The following SBF2 variants were observed in gnomAD, a reference collection of about 807,000 sequenced individuals.
SBF2 encodes myotubularin-related protein 13.
Under a neutral mutation model 225.2 loss-of-function variants are expected in SBF2, and 112 were observed. The observed-to-expected ratio is 0.50, with a 90% CI of 0.43 to 0.58. SBF2 has a LOEUF of 0.58. Ranked by LOEUF, SBF2 falls within the 20% of genes least tolerant of loss-of-function variation. SBF2 has a pLI of 0.00. For missense variants in SBF2, 1,996 were observed against 2,206.2 expected (o/e 0.90, Z 1.91); for synonymous variants, 763 against 773.3 (o/e 0.99, Z 0.22).
intron 16 of SBF2, among the ~76,000 whole-genome samples, chr11:9,906,446 TA>T (rs1862125552): frequency 6.6e-6 from 1 of 152,220 alleles, no homozygotes; most frequent in African/African-American, 2.4e-5. Flanking sequence ...CAGGCAATCA[TA>T]AAACATTTAG....
chr11:9,826,161 A>G, intron 28 of SBF2, among the ~76,000 whole-genome samples: 1 of 152,256 alleles, frequency 6.6e-6, no homozygotes, highest in East Asian at 1.9e-4. Flanking sequence ...AAAAGCAACC[A>G]TCAAGGCCAG....
At chr11:9,857,567 T>C (rs1208342544) in intron 18 of SBF2, among the ~76,000 whole-genome samples, 2 of 152,316 alleles carry the variant, frequency 1.3e-5, no homozygotes, top group East Asian at 1.9e-4. Context: ...GCACTTTATA[T>C]ATGAGACACT....
At chr11:10,215,878 T>A (rs937955420) in intron 1 of SBF2, among the ~76,000 whole-genome samples, 13 of 152,224 alleles carry the variant, frequency 8.5e-5, no homozygotes, top group Non-Finnish European at 1.6e-4. Context: ...ACTTACCAAA[T>A]GCTCATCTAT....
At chr11:9,962,189 A>C in intron 15 of SBF2, 83 bp from the exon 16 acceptor site, 1 of 1,289,394 alleles carries the variant, frequency 7.8e-7, no homozygotes, top group Non-Finnish European at 1.1e-6. Flanking sequence ...GAAAATTCAA[A>C]CGCATCCTAT....
rs944291471 is a variant in SBF2, at chr11:10,113,474, A to C, written c.142-70493T>G. 2.0e-5 allele frequency among the ~76,000 whole-genome samples: 3 copies of C among 152,202 alleles called. No homozygotes were observed. In the East Asian group the frequency reaches 5.8e-4, roughly 29 times the overall value. On this transcript the variant is annotated intron_variant, in intron 2 of 39. Transcript: ENST00000256190. ...AGTTCAAATAATGAGAGCAAATATA[A>C]TTATCAAAGACTTCTAAATATTTTA...
intron 16 of SBF2, among the ~76,000 whole-genome samples, chr11:9,903,984 G>C (rs1195811482): frequency 6.6e-6 from 1 of 152,104 alleles, no homozygotes; most frequent in Non-Finnish European, 1.5e-5. Flanking sequence ...CCTGGTGCCA[G>C]CTGCCAATTT....
chr11:9,794,705 A>AAAAAAAAAAAAC (rs1478606052), intron 33 of SBF2, among the ~76,000 whole-genome samples: 2 of 145,204 alleles, frequency 1.4e-5, no homozygotes, highest in African/African-American at 2.7e-5. Context: ...AAAAAAAAAA[A>AAAAAAAAAAAAC]AAGACCAGGC....
At chr11:9,940,489 AG>A (rs1243102067) in intron 16 of SBF2, among the ~76,000 whole-genome samples, 1 of 152,226 alleles carries the variant, frequency 6.6e-6, no homozygotes, top group Non-Finnish European at 1.5e-5. Context: ...AAGTCTGAGC[AG>A]CTGTGTAGTA....
At chr11:9,851,065 G>A (rs892775525) in intron 21 of SBF2, among the ~76,000 whole-genome samples, 1 of 151,720 alleles carries the variant, frequency 6.6e-6, no homozygotes, top group African/African-American at 2.4e-5. Flanking sequence ...GAACCTGGGA[G>A]GGGGAGGTTG....
chr11:10,042,742 C>G (rs992755936), intron 3 of SBF2, 102 bp downstream of exon 3: 2 of 1,208,824 alleles, frequency 1.7e-6, no homozygotes, highest in African/African-American at 3.0e-5. Context: ...TATGCTAGCC[C>G]ATAAAACTCA....
intron 1 of SBF2, among the ~76,000 whole-genome samples, chr11:10,209,389 A>C (rs1957854914): frequency 6.6e-6 from 1 of 151,978 alleles, no homozygotes; most frequent in African/African-American, 2.4e-5. Context: ...AGCACAGATA[A>C]TCCAAGCCGT....
At chr11:10,256,799 CG>C (rs1364691804) in intron 1 of SBF2, among the ~76,000 whole-genome samples, 1 of 152,128 alleles carries the variant, frequency 6.6e-6, no homozygotes, top group African/African-American at 2.4e-5. Context: ...ACCTGGAAAA[CG>C]TAATAGCATC....
intron 2 of SBF2, among the ~76,000 whole-genome samples, chr11:10,068,736 A>G (rs1950731465): frequency 6.6e-6 from 1 of 152,146 alleles, no homozygotes; most frequent in Admixed American, 6.5e-5. Flanking sequence ...AGCCCCCGTC[A>G]CCCCTTTCAA....
At chr11:10,223,508 G>A (rs1822291) in intron 1 of SBF2, among the ~76,000 whole-genome samples, 30,540 of 144,602 alleles carry the variant, frequency 0.21, 3,917 homozygotes, top group Non-Finnish European at 0.3. Context: ...GAGAGAAAAT[G>A]CATTTATAGT....
intron 32 of SBF2, among the ~76,000 whole-genome samples, chr11:9,805,874 G>GCCT (rs1853809157): frequency 6.6e-6 from 1 of 152,140 alleles, no homozygotes; most frequent in African/African-American, 2.4e-5. Flanking sequence ...ACCCACCTTG[G>GCCT]CCTCCCAAAG....
chr11:9,995,460 A>G (rs1947650086), intron 9 of SBF2, among the ~76,000 whole-genome samples: 1 of 152,190 alleles, frequency 6.6e-6, no homozygotes, highest in Admixed American at 6.5e-5. Context: ...ACAGTACAAA[A>G]TATCTTAGTG....
chr11:10,223,386 C>T (rs1291716209), intron 1 of SBF2, among the ~76,000 whole-genome samples: 1 of 116,676 alleles, frequency 8.6e-6, no homozygotes, highest in Non-Finnish European at 1.7e-5. Context: ...ATAAACAACA[C>T]ATATTTTGCA....
intron 2 of SBF2, among the ~76,000 whole-genome samples, chr11:10,045,352 C>T (rs563800314): frequency 3.9e-5 from 6 of 151,938 alleles, no homozygotes; most frequent in South Asian, 2.1e-4. Flanking sequence ...ATTTTAGTAG[C>T]GATGGGGTTT....
At chr11:9,932,823 G>A (rs1864591421) in intron 16 of SBF2, among the ~76,000 whole-genome samples, 1 of 152,050 alleles carries the variant, frequency 6.6e-6, no homozygotes, top group South Asian at 2.1e-4. Context: ...CCAATTAAAA[G>A]ATACAGACTG....
Sources: gnomAD v4.1 joint callset for allele counts (sites outside exome capture counted in the v4.1 genomes callset) on GRCh38, gnomAD v4.1.1 for gene constraint, MANE v1.5 for transcripts, NCBI Gene and HGNC (gene_info 2026-07-23, HGNC 2026-07-21) for gene names.